The following SMURF1 variants were observed in gnomAD, a reference collection of about 807,000 sequenced individuals.
The protein encoded by SMURF1 is SMAD specific E3 ubiquitin protein ligase 1.
SMURF1 carries 44 observed loss-of-function variants against 98.0 expected under a neutral mutation model. The observed-to-expected ratio is 0.45, with a 90% confidence interval of 0.35 to 0.58. The LOEUF is 0.58. SMURF1 is among the 20% of genes least tolerant of loss of function. The pLI, the probability that SMURF1 is intolerant of heterozygous loss-of-function variation, is 0.00. For missense variants in SMURF1, 687 were observed against 938.4 expected, an observed-to-expected ratio of 0.73 and a Z score of 3.50; for synonymous variants, 396 against 374.9, an observed-to-expected ratio of 1.06 and a Z score of -0.65.
At chr7:99,075,603 G>A (rs1464752842) in intron 1 of SMURF1, among the ~76,000 whole-genome samples, 1 of 151,196 alleles carries the variant, frequency 6.6e-6, no homozygotes, top group Non-Finnish European at 1.5e-5. Context: ...AGAATAGCCA[G>A]TTAGCATCAG....
At chr7:99,077,545 G>T (rs1796493382) in intron 1 of SMURF1, among the ~76,000 whole-genome samples, 1 of 151,886 alleles carries the variant, frequency 6.6e-6, no homozygotes, top group Non-Finnish European at 1.5e-5. Flanking sequence ...TGTTGGCCAG[G>T]ATGTTCTTGA....
intron 1 of SMURF1, among the ~76,000 whole-genome samples, chr7:99,140,984 G>A (rs1319935440): frequency 1.3e-5 from 2 of 152,256 alleles, no homozygotes; most frequent in East Asian, 1.9e-4. Flanking sequence ...GGTAAACTAA[G>A]GTTCCACGTA....
intron 10 of SMURF1, among the ~76,000 whole-genome samples, chr7:99,046,850 G>GCA (rs1795599015): frequency 6.6e-6 from 1 of 152,102 alleles, no homozygotes; most frequent in South Asian, 2.1e-4. Flanking sequence ...TGCAACAAGG[G>GCA]CATACATGCA....
intron 1 of SMURF1, among the ~76,000 whole-genome samples, chr7:99,076,369 A>T (rs1314095284): frequency 6.6e-6 from 1 of 152,256 alleles, no homozygotes; most frequent in Non-Finnish European, 1.5e-5. Flanking sequence ...TGATATTAAG[A>T]GCATGAAATT....
chr7:99,066,009 G>T (rs1339244401), intron 1 of SMURF1, among the ~76,000 whole-genome samples: 1 of 150,310 alleles, frequency 6.7e-6, no homozygotes, highest in Non-Finnish European at 1.5e-5. Context: ...TCGCGCCACT[G>T]TACTCCAGCC....
At chr7:99,065,829 C>A (rs1006421522) in intron 1 of SMURF1, among the ~76,000 whole-genome samples, 5 of 152,098 alleles carry the variant, frequency 3.3e-5, no homozygotes, top group African/African-American at 1.2e-4. Flanking sequence ...GGGAGGATCA[C>A]GAGGTCAAGA....
At chr7:99,035,859 G>A in intron 15 of SMURF1, 143 bp from the exon 16 acceptor site, 1 of 784,232 alleles carries the variant, frequency 1.3e-6, no homozygotes, top group Non-Finnish European at 2.0e-6. Flanking sequence ...GTTGAGACAG[G>A]AAGAAAGCTA....
intron 1 of SMURF1, among the ~76,000 whole-genome samples, chr7:99,073,339 A>G (rs1242818505): frequency 6.6e-6 from 1 of 151,534 alleles, no homozygotes; most frequent in Non-Finnish European, 1.5e-5. Flanking sequence ...AGATCACGCA[A>G]CTGCACTCCA....
At chr7:99,090,934 G>A (rs995461038) in intron 1 of SMURF1, among the ~76,000 whole-genome samples, 2 of 152,176 alleles carry the variant, frequency 1.3e-5, no homozygotes, top group Non-Finnish European at 2.9e-5. Flanking sequence ...CTACGCTCTA[G>A]TTAGGGGGTT....
chr7:99,041,464 G>A (rs765155408), intron 12 of SMURF1, among the ~76,000 whole-genome samples: 36 of 152,156 alleles, frequency 2.4e-4, no homozygotes, highest in Non-Finnish European at 4.3e-4. Context: ...GGAACCACAC[G>A]TCTCTACTTT....
chr7:99,142,485 C>T (rs547004491), intron 1 of SMURF1, among the ~76,000 whole-genome samples: 61 of 150,504 alleles, frequency 4.1e-4, no homozygotes, highest in Non-Finnish European at 7.8e-4. Context: ...GGACTGGGAG[C>T]AGCTACAAGA....
At position 99,033,261 on chromosome 7, in the gene SMURF1, G is replaced by T. The variant is rs10235956; in HGVS notation, c.2012-140C>A. 0.03 allele frequency: 22,747 copies of T among 765,478 alleles called. 3,676 individuals carry two copies. The African/African-American group carries it at 0.35, about 12-fold the overall frequency. 47.4% of individuals were successfully genotyped at this position (765,478 alleles called of 1,614,324 possible). A position where few individuals can be genotyped will look rare whatever the true frequency, so the allele number is the denominator to read the frequency against. ...GGCTGTCCTGTGAGAGGGCCATGAG[G>T]TTCCCAGGCCTGGTTTTAGGACATG... On this transcript the variant is annotated intron_variant, in intron 16 of 17. Coordinates refer to ENST00000361368, the MANE Select transcript of SMURF1 (RefSeq NM_181349.3).
chr7:99,071,328 G>A (rs1384544776), intron 1 of SMURF1, among the ~76,000 whole-genome samples: 1 of 152,176 alleles, frequency 6.6e-6, no homozygotes, highest in African/African-American at 2.4e-5. Context: ...ACAAAGTGCT[G>A]GGATTACAGG....
chr7:99,035,096 C>T (rs957912261), intron 16 of SMURF1, among the ~76,000 whole-genome samples: 1 of 152,244 alleles, frequency 6.6e-6, no homozygotes, highest in Non-Finnish European at 1.5e-5. Flanking sequence ...AGGACATCAT[C>T]TTTCGGTGTG....
Position 99,052,225 on chromosome 7 carries a change from G to C in SMURF1, c.701C>G (p.Pro234Arg). The C allele has an allele frequency of 6.3e-7, 1 of 1,576,652 alleles. No homozygotes were observed. The highest frequency in any genetic ancestry group is 8.6e-7 in the Non-Finnish European group (1 of 1,157,664). Residue 234 changes from proline (P) to arginine (R), a missense_variant, in exon 7 of 18, where the codon CCG becomes CGG. This residue lies in a region of SMURF1 where 415 missense variants were observed against 508.4 expected (regional missense o/e 0.82). Transcript: ENST00000361368. ...PQNRPHGHQSPELPEGYEQRT... is the reference protein window; with the variant it reads ...PQNRPHGHQSRELPEGYEQRT... Reference sequence around the variant, plus strand: ...CTCACCGTAGCCTTCGGGCAGTTCCGGGGACTGGTGGCCGTGTGGTCGGTT... The same window carrying C: ...CTCACCGTAGCCTTCGGGCAGTTCCCGGGACTGGTGGCCGTGTGGTCGGTT...
At chr7:99,065,722 A>G (rs569206003) in intron 1 of SMURF1, among the ~76,000 whole-genome samples, 2 of 152,242 alleles carry the variant, frequency 1.3e-5, no homozygotes, top group African/African-American at 4.8e-5. Context: ...CCCAGGATCC[A>G]TCAGTTCAGA....
At chr7:99,100,537 G>A (rs1797054357) in intron 1 of SMURF1, among the ~76,000 whole-genome samples, 1 of 152,048 alleles carries the variant, frequency 6.6e-6, no homozygotes, top group African/African-American at 2.4e-5. Flanking sequence ...CTGGGCAACA[G>A]AGCAAAACTC....
chr7:99,039,631 G>A (rs978220934), intron 13 of SMURF1, among the ~76,000 whole-genome samples: 2 of 152,180 alleles, frequency 1.3e-5, no homozygotes, highest in Non-Finnish European at 2.9e-5. Context: ...GCCCCACAAA[G>A]TGCTGGGATA....
At position 99,045,712 on chromosome 7, in the gene SMURF1, G is replaced by A. The variant is rs35028066; in HGVS notation, c.1242C>T (p.Tyr414=). The change falls in exon 11 of 18, where the codon TAC becomes TAT. Residue 414 remains tyrosine, a synonymous_variant. Coordinates refer to ENST00000361368, the MANE Select transcript of SMURF1 (RefSeq NM_181349.3). ...VKFRGEEGLD[Y]GGVAREWLYL... ...AAGCAGCTCACCTGGCCACACCACCGTAATCCAAACCTTCTTCCCCACGGA... is the reference window on the plus strand; with the variant it reads ...AAGCAGCTCACCTGGCCACACCACCATAATCCAAACCTTCTTCCCCACGGA... 1,485 of 1,613,894 alleles carry A rather than the reference G, an allele frequency of 9.2e-4. 6 individuals are homozygous for A. The highest frequency in any genetic ancestry group is 2.2e-3 in the South Asian group (202 of 91,080).
Sources: allele counts gnomAD v4.1 joint callset (sites outside exome capture counted in the v4.1 genomes callset), GRCh38; gene constraint gnomAD v4.1.1; regional missense constraint gnomAD v4.1.1; transcripts MANE v1.5; gene names NCBI Gene and HGNC (gene_info 2026-07-23, HGNC 2026-07-21).